KCNN2: variants seen among roughly 807,000 people sequenced by gnomAD.
The protein encoded by KCNN2 is potassium calcium-activated channel subfamily N member 2, also known as small conductance calcium-activated potassium channel protein 2.
A neutral mutation model predicts 55.5 loss-of-function variants in KCNN2; 24 were observed. That is an observed-to-expected ratio of 0.43 (90% CI 0.31 to 0.61). The LOEUF (loss-of-function observed/expected upper bound fraction) is 0.61. Among genes scored for constraint, KCNN2 ranks in the 20% least tolerant of loss-of-function variants. The probability of loss-of-function intolerance (pLI) is 0.08; values close to 1 mark genes in which losing one functional copy is unlikely to be tolerated. For synonymous variants in KCNN2, 431 were observed against 336.1 expected (o/e 1.28, Z -3.09); for missense variants, 754 against 853.6 (o/e 0.88, Z 1.45).
intron 1 of KCNN2, among the ~76,000 whole-genome samples, chr5:114,173,850 A>T (rs1021692594): frequency 6.6e-6 from 1 of 152,022 alleles, no homozygotes; most frequent in Non-Finnish European, 1.5e-5. Context: ...TAAGAAAATC[A>T]TTAGTGATAC....
rs1402646648 is a variant in KCNN2, at chr5:114,404,724, C to T, written c.1505C>T (p.Ala502Val). ...GATGCCTCCTCTAGAAGCATTGGAG[C>T]ACTTAATAAGATAAACTTCAATACA... ...FTDASSRSIG[A>V]LNKINFNTRF... is the part of the protein sequence containing the mutation. Residue 502 changes from alanine (A) to valine (V), a missense_variant, in exon 3 of 8, where the codon GCA becomes GTA. Ala to Val is a moderately conservative substitution (Grantham distance 64). Around this residue, in one of 4 missense-constraint regions of KCNN2, gnomAD observed 86 missense variants for 233.0 expected, o/e 0.37. Coordinates refer to ENST00000673685, the MANE Select transcript of KCNN2 (RefSeq NM_021614.4). 6.2e-7 allele frequency: 1 copy of T among 1,613,834 alleles called. No individual in the cohort carries two copies. The highest frequency in any genetic ancestry group is 2.2e-5 in the East Asian group (1 of 44,892).
chr5:114,363,846 C>A lies in KCNN2; in HGVS notation c.1123-60C>A, dbSNP rs571407598. 529 of 1,197,548 alleles carry A rather than the reference C, an allele frequency of 4.4e-4. 3 individuals carry two copies. The highest frequency in any genetic ancestry group is 3.5e-3 in the Middle Eastern group (18 of 5,166). 74.2% of individuals were successfully genotyped at this position (1,197,548 alleles called of 1,614,324 possible). On this transcript the variant is annotated intron_variant, in intron 1 of 7. Transcript: ENST00000673685. ...GTGGGGGACTGACTGACTCTGGGGA[C>A]GTGGAAGGCGGTTAAAAGTGCTTCT...
Position 114,102,411 on chromosome 5 carries a change from C to A in KCNN2, c.-271+45911C>A, listed in dbSNP as rs1326869904. On this transcript the variant is annotated intron_variant, in intron 1 of 10. Coordinates refer to the KCNN2 transcript ENST00000512097. ...TGCCTGTTCACTCTAATGATAGTTTCTTTTGCTGTGCAGAAGCTCTTTAGT... is the reference window on the plus strand; with the variant it reads ...TGCCTGTTCACTCTAATGATAGTTTATTTTGCTGTGCAGAAGCTCTTTAGT... Among the ~76,000 whole-genome samples, 5 of 152,086 alleles carry A rather than the reference C, an allele frequency of 3.3e-5. No homozygotes were observed. In the South Asian group the frequency reaches 1.0e-3, roughly 32 times the overall value.
rs911080538 is a variant in KCNN2 at position 114,072,362 on chromosome 5, G to A, written c.-271+15862G>A. 2.0e-5 allele frequency among the ~76,000 whole-genome samples: 3 copies of A among 151,774 alleles called. No homozygotes were observed. The East Asian group carries it at 5.8e-4, about 29-fold the overall frequency. ...TCACCCTCTTTTGCCCTTCCACCTT[G>A]ATGATGAAGTGCAAAGACCCCTGCC... On this transcript the variant is annotated intron_variant, in intron 1 of 10. Transcript: ENST00000512097.
At chr5:114,134,579 C>T (rs1752136103) in intron 1 of KCNN2, among the ~76,000 whole-genome samples, 1 of 151,396 alleles carries the variant, frequency 6.6e-6, no homozygotes, top group Non-Finnish European at 1.5e-5. Flanking sequence ...GAGTTCAAGC[C>T]ATTCTCCTGC....
At chr5:114,284,336 G>T (rs1388265060) in intron 2 of KCNN2, among the ~76,000 whole-genome samples, 2 of 152,142 alleles carry the variant, frequency 1.3e-5, no homozygotes, top group Non-Finnish European at 1.5e-5. Context: ...ATGCATGTTT[G>T]TGTGAATAAT....
intron 2 of KCNN2, among the ~76,000 whole-genome samples, chr5:114,250,292 C>T (rs957064894): frequency 6.6e-6 from 1 of 152,100 alleles, no homozygotes; most frequent in African/African-American, 2.4e-5. Flanking sequence ...GTTATCTTAA[C>T]AGGTTTGGGT....
intron 3 of KCNN2, among the ~76,000 whole-genome samples, chr5:114,440,935 A>G (rs1233756041): frequency 6.6e-6 from 1 of 152,186 alleles, no homozygotes; most frequent in Non-Finnish European, 1.5e-5. Flanking sequence ...CTAACTATAT[A>G]AAGCTTACAA....
chr5:114,194,886 A>AT (rs61169195), intron 1 of KCNN2, among the ~76,000 whole-genome samples: 6 of 143,758 alleles, frequency 4.2e-5, no homozygotes, highest in African/African-American at 1.5e-4. Flanking sequence ...CCTTGATTTA[A>AT]TTTTTTTTTT....
At chr5:114,278,343 G>T (rs1032999646) in intron 2 of KCNN2, among the ~76,000 whole-genome samples, 2 of 152,186 alleles carry the variant, frequency 1.3e-5, no homozygotes, top group African/African-American at 4.8e-5. Context: ...CATTATCAGA[G>T]CTCGAATGCC....
At chr5:114,444,431 T>C (rs570072691) in intron 3 of KCNN2, among the ~76,000 whole-genome samples, 11 of 151,778 alleles carry the variant, frequency 7.2e-5, no homozygotes, top group African/African-American at 2.7e-4. Context: ...CCTGGAGGGG[T>C]AAGAGCAATA....
chr5:114,238,037 A>G (rs564256898), intron 2 of KCNN2, among the ~76,000 whole-genome samples: 1 of 152,324 alleles, frequency 6.6e-6, no homozygotes, highest in East Asian at 1.9e-4. Context: ...TTCACCGCAA[A>G]GGAAGCTTAG....
intron 1 of KCNN2, among the ~76,000 whole-genome samples, chr5:114,061,471 T>G (rs1413601518): frequency 2.0e-5 from 3 of 152,164 alleles, no homozygotes; most frequent in Admixed American, 6.5e-5. Context: ...AAGACTCCAT[T>G]GAGCAGATGC....
Position 114,160,370 on chromosome 5 carries a change from A to G in KCNN2, c.-270-61110A>G, listed in dbSNP as rs924102465. ...TTGATTGCACTGTGGTCTGAGAGAC[A>G]GTTTGTTATAATTTCTATTCTTTTA... On this transcript the variant is annotated intron_variant, in intron 1 of 10. Transcript: ENST00000512097. Among the ~76,000 whole-genome samples, 12 of 152,244 alleles carry G rather than the reference A, an allele frequency of 7.9e-5. 1 individual carries two copies. Among genetic ancestry groups the G allele is most frequent in the African/African-American group, 2.9e-4 (12 of 41,530 alleles).
chr5:114,056,581 GA>G (rs755334066), intron 1 of KCNN2: 7 of 395,674 alleles, frequency 1.8e-5, no homozygotes, highest in Non-Finnish European at 3.1e-5. Context: ...ATACTAAAGT[GA>G]AGTTTGCCTG....
chr5:114,303,667 G>C (rs1176782402), intron 2 of KCNN2, among the ~76,000 whole-genome samples: 1 of 152,090 alleles, frequency 6.6e-6, no homozygotes, highest in African/African-American at 2.4e-5. Flanking sequence ...ATTGCAGTAG[G>C]TCCAGTAGCA....
intron 1 of KCNN2, among the ~76,000 whole-genome samples, chr5:114,099,582 T>A (rs1319840269): frequency 6.6e-6 from 1 of 152,150 alleles, no homozygotes; most frequent in East Asian, 1.9e-4. Context: ...GATCACGGGA[T>A]CCTCCCTCCT....
chr5:114,175,369 T>A (rs1753114210), intron 1 of KCNN2, among the ~76,000 whole-genome samples: 1 of 152,220 alleles, frequency 6.6e-6, no homozygotes, highest in Non-Finnish European at 1.5e-5. Flanking sequence ...TAGGCATAGG[T>A]AAATTTGATT....
chr5:114,193,752 C>T (rs17351065), intron 1 of KCNN2, among the ~76,000 whole-genome samples: 11,554 of 152,164 alleles, frequency 0.076, 647 homozygotes, highest in Non-Finnish European at 0.11. Flanking sequence ...TGTTTCAGAT[C>T]TGCCCCTACC....
Sources: allele counts gnomAD v4.1 joint callset (sites outside exome capture counted in the v4.1 genomes callset), GRCh38; gene constraint gnomAD v4.1.1; regional missense constraint gnomAD v4.1.1; transcripts MANE v1.5; gene names NCBI Gene and HGNC (gene_info 2026-07-23, HGNC 2026-07-21).